The following KIF6 variants were observed in gnomAD, a reference collection of about 807,000 sequenced individuals.
KIF6 encodes the protein kinesin family member 6.
In KIF6, 106 loss-of-function variants were observed where a neutral mutation model predicts 112.7. The observed-to-expected ratio is 0.94, with a 90% CI of 0.80 to 1.11. The LOEUF is 1.11. Ranked by LOEUF, KIF6 falls within the 50% of genes least tolerant of loss-of-function variation. KIF6 has a pLI of 0.00. For missense variants in KIF6, 929 were observed against 964.0 expected (o/e 0.96, Z 0.48); for synonymous variants, 339 against 339.9 (o/e 1.00, Z 0.03).
intron 13 of KIF6, among the ~76,000 whole-genome samples, chr6:39,494,596 C>T (rs1775665869): frequency 6.6e-6 from 1 of 152,060 alleles, no homozygotes; most frequent in African/African-American, 2.4e-5. Context: ...TGAAATCTTT[C>T]TCTAGAAAGA....
At chr6:39,723,857 A>G (rs1304670424) in intron 1 of KIF6, among the ~76,000 whole-genome samples, 3 of 152,172 alleles carry the variant, frequency 2.0e-5, no homozygotes, top group African/African-American at 7.2e-5. Context: ...AGAAACCTGT[A>G]CGTTCTGCAC....
chr6:39,630,198 T>C (rs1273636728), intron 5 of KIF6, among the ~76,000 whole-genome samples: 1 of 152,074 alleles, frequency 6.6e-6, no homozygotes, highest in Admixed American at 6.6e-5. Context: ...TTATAGTCAT[T>C]TTATTGATAT....
At chr6:39,337,530 C>T (rs1363490409) in intron 22 of KIF6, among the ~76,000 whole-genome samples, 1 of 151,630 alleles carries the variant, frequency 6.6e-6, no homozygotes, top group Non-Finnish European at 1.5e-5. Flanking sequence ...CCAGGCTGGT[C>T]TCAAATTCCT....
chr6:39,570,720 A>C (rs962761158), intron 10 of KIF6, among the ~76,000 whole-genome samples: 21 of 152,068 alleles, frequency 1.4e-4, no homozygotes, highest in African/African-American at 5.1e-4. Context: ...TGGTTTTATA[A>C]GAGGCTTTTC....
At chr6:39,696,535 G>C (rs1278069801) in intron 3 of KIF6, among the ~76,000 whole-genome samples, 1 of 152,102 alleles carries the variant, frequency 6.6e-6, no homozygotes, top group East Asian at 1.9e-4. Context: ...TCTTGTATGT[G>C]AAATAGTAAG....
intron 3 of KIF6, among the ~76,000 whole-genome samples, chr6:39,662,407 T>C (rs576623533): frequency 1.3e-5 from 2 of 152,354 alleles, no homozygotes; most frequent in Admixed American, 6.5e-5. Context: ...TTTAATTAGC[T>C]AAATTAGAAT....
chr6:39,365,785 G>A (rs1765512680), intron 16 of KIF6, among the ~76,000 whole-genome samples: 2 of 152,184 alleles, frequency 1.3e-5, no homozygotes, highest in South Asian at 2.1e-4. Context: ...CTGGCTAGAC[G>A]TCCTGCTGCA....
chr6:39,524,651 T>A (rs1582047166), intron 13 of KIF6, among the ~76,000 whole-genome samples: 1 of 152,156 alleles, frequency 6.6e-6, no homozygotes, highest in South Asian at 2.1e-4. Flanking sequence ...AAAGGCCCTG[T>A]CCCCAGCCAT....
At chr6:39,347,010 G>A (rs1027036748) in intron 19 of KIF6, among the ~76,000 whole-genome samples, 2 of 152,166 alleles carry the variant, frequency 1.3e-5, no homozygotes, top group African/African-American at 2.4e-5. Flanking sequence ...AACAACAAAC[G>A]ATGGCCACAA....
chr6:39,583,311 C>A (rs943147716), intron 9 of KIF6: 2 of 446,774 alleles, frequency 4.5e-6, no homozygotes, highest in Non-Finnish European at 9.4e-6. Context: ...CAACAAAATC[C>A]ACCCTAGCAG....
intron 13 of KIF6, among the ~76,000 whole-genome samples, chr6:39,460,512 C>A (rs965697408): frequency 8.3e-5 from 5 of 59,918 alleles, no homozygotes; most frequent in East Asian, 5.2e-4. Context: ...TACCCTAAAA[C>A]TTAAAGTATA....
At chr6:39,346,356 C>T (rs1187362176) in intron 20 of KIF6, 120 bp downstream of exon 20, 2 of 707,104 alleles carry the variant, frequency 2.8e-6, no homozygotes, top group Non-Finnish European at 2.6e-6. Flanking sequence ...GAAGGTAGAA[C>T]TCTCATGAAT....
chr6:39,613,142 G>A, intron 6 of KIF6, 47 bp downstream of exon 6: 5 of 1,411,170 alleles, frequency 3.5e-6, no homozygotes, highest in Non-Finnish European at 4.7e-6. Flanking sequence ...TTCAGATACT[G>A]TATCTTATAA....
At chr6:39,708,541 C>T (rs1041218197) in intron 3 of KIF6, among the ~76,000 whole-genome samples, 12 of 152,166 alleles carry the variant, frequency 7.9e-5, no homozygotes, top group Non-Finnish European at 1.6e-4. Context: ...GCCAGTCCTC[C>T]TGCCAGTGCA....
intron 13 of KIF6, among the ~76,000 whole-genome samples, chr6:39,481,384 A>C (rs1337232813): frequency 6.6e-6 from 1 of 152,220 alleles, no homozygotes; most frequent in Non-Finnish European, 1.5e-5. Context: ...ATATAAAATA[A>C]ATATGTTTTA....
intron 10 of KIF6, among the ~76,000 whole-genome samples, chr6:39,551,096 TG>T (rs1779353611): frequency 6.6e-6 from 1 of 152,254 alleles, no homozygotes; most frequent in Non-Finnish European, 1.5e-5. Context: ...TCCTTTCTTT[TG>T]GATATATACC....
chr6:39,615,025 A>C (rs1255553240), intron 5 of KIF6, among the ~76,000 whole-genome samples: 2 of 152,170 alleles, frequency 1.3e-5, no homozygotes, highest in East Asian at 3.9e-4. Context: ...AAGTGAGAAA[A>C]GGGCTAGGTG....
intron 9 of KIF6, among the ~76,000 whole-genome samples, chr6:39,582,962 T>A (rs1042929589): frequency 6.6e-6 from 1 of 152,190 alleles, no homozygotes; most frequent in Non-Finnish European, 1.5e-5. Flanking sequence ...AATTACCAGA[T>A]TAATCTGCAC....
chr6:39,412,884 C>T (rs977723194), intron 15 of KIF6, among the ~76,000 whole-genome samples: 1 of 152,060 alleles, frequency 6.6e-6, no homozygotes, highest in Non-Finnish European at 1.5e-5. Context: ...TGCTGTCCCC[C>T]ATCTCTGCAC....
Sources: gnomAD v4.1 joint callset for allele counts (sites outside exome capture counted in the v4.1 genomes callset) on GRCh38, gnomAD v4.1.1 for gene constraint, MANE v1.5 for transcripts, NCBI Gene and HGNC (gene_info 2026-07-23, HGNC 2026-07-21) for gene names.